The following ATP10B variants were observed in gnomAD, a reference collection of about 807,000 sequenced individuals.
ATP10B encodes the protein ATPase phospholipid transporting 10B (putative).
A neutral mutation model predicts 141.2 loss-of-function variants in ATP10B; 122 were observed. The ratio of observed to expected loss-of-function variants is 0.86; its 90% CI spans 0.75 to 1.00. The LOEUF (loss-of-function observed/expected upper bound fraction) is 1.00. Among genes scored for constraint, ATP10B ranks in the 50% least tolerant of loss-of-function variants. The probability of loss-of-function intolerance (pLI) is 0.00; values close to 1 mark genes in which losing one functional copy is unlikely to be tolerated. For synonymous variants in ATP10B, 685 were observed against 692.0 expected (o/e 0.99, Z 0.16); for missense variants, 1,876 against 1,825.3 (o/e 1.03, Z -0.51).
At chr5:160,668,107 C>T (rs1762432411) in intron 7 of ATP10B, among the ~76,000 whole-genome samples, 1 of 151,836 alleles carries the variant, frequency 6.6e-6, no homozygotes, top group Non-Finnish European at 1.5e-5. Context: ...TAGTGCACGC[C>T]TGTAATTCCA....
In ATP10B at chr5:160,612,736, C is replaced by T. The variant is rs1757787373; in HGVS notation, c.2838+5G>A. 1 of 1,606,982 alleles carries T rather than the reference C, an allele frequency of 6.2e-7. No individual in the cohort carries two copies. The highest frequency in any genetic ancestry group is 8.5e-7 in the Non-Finnish European group (1 of 1,174,332). On this transcript the variant is annotated splice_donor_5th_base_variant and intron_variant, in intron 18 of 25. Coordinates refer to ENST00000327245, the MANE Select transcript of ATP10B (RefSeq NM_025153.3). Reference sequence around the variant, plus strand: ...TGCAGATATCAATACAGAGAATCACCTCACCTGATTCTCTGTATTGATGGT... The same window carrying T: ...TGCAGATATCAATACAGAGAATCACTTCACCTGATTCTCTGTATTGATGGT...
At chr5:160,705,077 C>T (rs1321127925) in intron 3 of ATP10B, among the ~76,000 whole-genome samples, 2 of 151,824 alleles carry the variant, frequency 1.3e-5, no homozygotes, top group African/African-American at 4.8e-5. Context: ...CACCACCACA[C>T]CCGGCTAATT....
intron 3 of ATP10B, among the ~76,000 whole-genome samples, chr5:160,706,856 C>G (rs1263392193): frequency 6.6e-6 from 1 of 152,184 alleles, no homozygotes; most frequent in Non-Finnish European, 1.5e-5. Context: ...AAAGTAGAGA[C>G]TGGCCTTAGT....
chr5:160,587,285 A>T (rs1755972975), intron 24 of ATP10B, among the ~76,000 whole-genome samples: 1 of 152,018 alleles, frequency 6.6e-6, no homozygotes, highest in Non-Finnish European at 1.5e-5. Context: ...GTGTTATTTG[A>T]GGTCTCTGCT....
intron 2 of ATP10B, among the ~76,000 whole-genome samples, chr5:160,763,051 C>T (rs922245631): frequency 2.1e-5 from 3 of 144,172 alleles, no homozygotes; most frequent in African/African-American, 7.5e-5. Flanking sequence ...TACTGGAGCA[C>T]CCAAATTTGT....
chr5:160,566,158 A>G (rs1754524890), intron 25 of ATP10B, among the ~76,000 whole-genome samples: 1 of 152,180 alleles, frequency 6.6e-6, no homozygotes, highest in Admixed American at 6.5e-5. Context: ...TCTTTTCCCA[A>G]CAATCTCATG....
At chr5:160,657,643 A>G (rs1761598375) in intron 7 of ATP10B, among the ~76,000 whole-genome samples, 1 of 152,216 alleles carries the variant, frequency 6.6e-6, no homozygotes, top group Admixed American at 6.5e-5. Flanking sequence ...CATTTCCTGA[A>G]CATACAGGGC....
the ATP10B span, among the ~76,000 whole-genome samples, chr5:160,926,777 G>A: frequency 1.3e-5 from 2 of 149,752 alleles, no homozygotes; most frequent in African/African-American, 5.1e-5. Context: ...GATTCTTGAG[G>A]TAGCTGCCTG....
chr5:160,791,506 G>A (rs1434532963), intron 1 of ATP10B, among the ~76,000 whole-genome samples: 4 of 152,092 alleles, frequency 2.6e-5, no homozygotes, highest in African/African-American at 9.7e-5. Context: ...AGGCAGTCCA[G>A]GGCCTTCCAC....
chr5:160,727,899 T>C (rs1169968351), intron 2 of ATP10B, among the ~76,000 whole-genome samples: 2 of 152,140 alleles, frequency 1.3e-5, no homozygotes, highest in African/African-American at 4.8e-5. Context: ...AGGTAAATTA[T>C]TTTTTGGCCT....
At chr5:160,821,772 G>C (rs1353696710) in intron 1 of ATP10B, among the ~76,000 whole-genome samples, 4 of 151,868 alleles carry the variant, frequency 2.6e-5, no homozygotes, top group African/African-American at 9.7e-5. Flanking sequence ...GAGCAGTCTC[G>C]TTAATAAATG....
At chr5:160,919,035 C>T in the ATP10B span, among the ~76,000 whole-genome samples, 1 of 150,568 alleles carries the variant, frequency 6.6e-6, no homozygotes, top group African/African-American at 2.5e-5. Flanking sequence ...ACCATCCTGG[C>T]TAACACGGTG....
chr5:160,600,922 A>G (rs1757069109), intron 21 of ATP10B, among the ~76,000 whole-genome samples: 1 of 152,208 alleles, frequency 6.6e-6, no homozygotes, highest in South Asian at 2.1e-4. Context: ...AATTTTGAGC[A>G]TGGCATTGGG....
At chr5:160,678,531 T>C (rs760402997) in intron 6 of ATP10B, among the ~76,000 whole-genome samples, 14 of 152,074 alleles carry the variant, frequency 9.2e-5, no homozygotes, top group South Asian at 8.3e-4. Context: ...TGATGGTGCA[T>C]GCCTGTAATC....
chr5:160,708,139 C>T (rs1021347690), intron 3 of ATP10B, among the ~76,000 whole-genome samples: 8 of 152,168 alleles, frequency 5.3e-5, no homozygotes, highest in African/African-American at 1.9e-4. Context: ...CACTGACGTT[C>T]CCTGGTGTCC....
intron 1 of ATP10B, among the ~76,000 whole-genome samples, chr5:160,816,809 C>G (rs1773671046): frequency 6.6e-6 from 1 of 152,194 alleles, no homozygotes; most frequent in Admixed American, 6.5e-5. Context: ...CCGCCATGAT[C>G]AAGTGGCCTT....
chr5:160,658,953 C>T (rs542965401), intron 7 of ATP10B, among the ~76,000 whole-genome samples: 3 of 152,074 alleles, frequency 2.0e-5, no homozygotes, highest in Non-Finnish European at 4.4e-5. Context: ...TTAACTAATC[C>T]GTATACCATA....
At position 160,592,356 on chromosome 5, in the gene ATP10B, C is replaced by A. The variant is rs777386769; in HGVS notation, c.3565-1217G>T. On this transcript the variant is annotated intron_variant, in intron 22 of 25. Coordinates refer to ENST00000327245, the MANE Select transcript of ATP10B (RefSeq NM_025153.3). ...AGGGGATGGCTGAAAGGTATAGGAT[C>A]CTTCTGCATGGCTCTTCCCCTTCGA... Among the ~76,000 whole-genome samples, 42 of 152,194 alleles carry A rather than the reference C, an allele frequency of 2.8e-4. 1 individual carries two copies. The highest frequency in any genetic ancestry group is 3.4e-3 in the Middle Eastern group (1 of 294).
intron 2 of ATP10B, among the ~76,000 whole-genome samples, chr5:160,723,953 A>G (rs1351105968): frequency 6.6e-6 from 1 of 152,230 alleles, no homozygotes; most frequent in Non-Finnish European, 1.5e-5. Context: ...TGCAGCCACA[A>G]AAAAGAATAA....
Sources: gnomAD v4.1 joint callset for allele counts (sites outside exome capture counted in the v4.1 genomes callset) on GRCh38, gnomAD v4.1.1 for gene constraint, MANE v1.5 for transcripts, NCBI Gene and HGNC (gene_info 2026-07-23, HGNC 2026-07-21) for gene names.